SRP54: variants seen among roughly 807,000 people sequenced by gnomAD.
SRP54 encodes signal recognition particle subunit SRP54.
Under a neutral mutation model 64.8 loss-of-function variants are expected in SRP54, and 10 were observed. The observed-to-expected ratio is 0.15, with a 90% CI of 0.10 to 0.26. The LOEUF (loss-of-function observed/expected upper bound fraction) is 0.26, where lower values mean the gene tolerates loss of function less well. Among genes scored for constraint, SRP54 ranks in the 10% least tolerant of loss-of-function variants. The pLI is 1.00. For synonymous variants in SRP54, 193 were observed against 185.6 expected (o/e 1.04, Z -0.32); for missense variants, 325 against 613.7 (o/e 0.53, Z 4.97).
rs34646567 is a variant in SRP54 at position 34,998,973 on chromosome 14, ATGTGTGTGTGTGTG to A, written c.79-558_79-545del. ...TTGTCTTTATTATTACTTTGTGTGT[ATGTGTGTGTGTGTG>A]TGTGTGTGTGTGTGTGTGTGTGTGT... is the stretch of plus-strand genomic sequence containing the variant. On this transcript the variant is annotated intron_variant, in intron 2 of 15. Transcript: ENST00000216774. Among the ~76,000 whole-genome samples, 93 of 63,696 alleles carry A rather than the reference ATGTGTGTGTGTGTG, an allele frequency of 1.5e-3. 2 individuals carry two copies. The highest frequency in any genetic ancestry group is 3.8e-3 in the African/African-American group (83 of 21,698). 41.8% of individuals were successfully genotyped at this position (63,696 alleles called of 152,430 possible).
chr14:35,013,047 G>T (rs893129584), intron 8 of SRP54, among the ~76,000 whole-genome samples: 6 of 149,256 alleles, frequency 4.0e-5, no homozygotes, highest in Non-Finnish European at 7.4e-5. Context: ...GGGTTCAAGT[G>T]ATTCTCCTGC....
rs1555352959 is a variant in SRP54, at chr14:34,991,127, T to TTTGTTG, written c.-33-5534_-33-5529dup. ...TTCTTTTCTTTTTTTTTTTTTTTTTTTTGTTGTTGTTGTTGTTGTTGAGAT... is the reference window on the plus strand; with the variant it reads ...TTCTTTTCTTTTTTTTTTTTTTTTTTTTGTTGTTGTTGTTGTTGTTGTTGTTGAGAT... On this transcript the variant is annotated intron_variant, in intron 1 of 15. Transcript: ENST00000216774. Among the ~76,000 whole-genome samples the TTTGTTG allele has an allele frequency of 9.6e-4, 118 of 123,136 alleles. 7 individuals carry two copies. Among genetic ancestry groups the TTTGTTG allele is most frequent in the East Asian group, 5.1e-3 (20 of 3,930 alleles). The allele number at this position is 123,136 out of a possible 152,430, so 80.8% of individuals were successfully genotyped here.
At chr14:34,995,309 G>A (rs1223361559) in intron 1 of SRP54, among the ~76,000 whole-genome samples, 1 of 151,972 alleles carries the variant, frequency 6.6e-6, no homozygotes, top group Non-Finnish European at 1.5e-5. Context: ...GGAGACCCAG[G>A]AGAGCCCATG....
intron 1 of SRP54, among the ~76,000 whole-genome samples, chr14:34,995,306 C>G (rs767876070): frequency 2.0e-5 from 3 of 151,812 alleles, no homozygotes; most frequent in African/African-American, 7.3e-5. Context: ...GCTGGAGACC[C>G]AGGAGAGCCC....
chr14:35,029,039 T>C, intron 15 of SRP54, 22 bp from the exon 16 acceptor site: 4 of 1,592,920 alleles, frequency 2.5e-6, no homozygotes, highest in Non-Finnish European at 3.4e-6. Context: ...TTTTTAACTC[T>C]ACTTCCCTAC....
chr14:34,995,572 A>G (rs2044059893), intron 1 of SRP54, among the ~76,000 whole-genome samples: 1 of 152,172 alleles, frequency 6.6e-6, no homozygotes, highest in Admixed American at 6.5e-5. Flanking sequence ...TTGCTTGTTT[A>G]TCATCCATAA....
chr14:34,986,889 T>C (rs1257586325), intron 1 of SRP54, among the ~76,000 whole-genome samples: 1 of 148,468 alleles, frequency 6.7e-6, no homozygotes, highest in African/African-American at 2.5e-5. Flanking sequence ...AAAAAAAAAT[T>C]GCTAGTTATT....
intron 1 of SRP54, among the ~76,000 whole-genome samples, chr14:34,990,336 C>G (rs1277999822): frequency 6.6e-6 from 1 of 152,184 alleles, no homozygotes; most frequent in African/African-American, 2.4e-5. Context: ...CTTGCAGTTT[C>G]CAGCAGGTGT....
intron 2 of SRP54, among the ~76,000 whole-genome samples, chr14:34,998,403 T>G (rs979822168): frequency 6.6e-6 from 1 of 152,170 alleles, no homozygotes; most frequent in Non-Finnish European, 1.5e-5. Flanking sequence ...TGATAATAAG[T>G]TATTAATGGA....
At chr14:35,026,035 G>A (rs1407972145) in intron 14 of SRP54, among the ~76,000 whole-genome samples, 2 of 146,054 alleles carry the variant, frequency 1.4e-5, no homozygotes, top group Non-Finnish European at 1.5e-5. Context: ...CAGCCTGGGC[G>A]ACAGAGCAAG....
At position 34,996,756 on chromosome 14, in the gene SRP54, C is replaced by T. The variant is rs775147862; in HGVS notation, c.47C>T (p.Ser16Leu). Residue 16 changes from serine to leucine, a missense_variant, in exon 2 of 16, where the codon TCG becomes TTG. Physicochemically the swap from Ser to Leu is moderately radical, Grantham distance 145. This residue lies in a region of SRP54 where 156 missense variants were observed against 254.6 expected (regional missense o/e 0.61). Transcript: ENST00000216774. ...AGAAAAATAACATCAGCATTACGCT[C>T]GTTGAGCAATGCCACCATTATCAAT... is the stretch of plus-strand genomic sequence containing the variant. Reference protein sequence around the residue: ...LGRKITSALRSLSNATIINEE... With the variant: ...LGRKITSALRLLSNATIINEE... 28 of 1,612,892 alleles carry T rather than the reference C, an allele frequency of 1.7e-5. No individual in the cohort carries two copies. Among genetic ancestry groups the T allele is most frequent in the Admixed American group, 1.7e-4 (10 of 59,976 alleles).
intron 4 of SRP54, among the ~76,000 whole-genome samples, chr14:35,004,271 G>C (rs568719787): frequency 6.6e-6 from 1 of 152,000 alleles, no homozygotes; most frequent in Non-Finnish European, 1.5e-5. Flanking sequence ...AAAAGGACTT[G>C]TATCTATCAT....
rs912049192 is a variant in SRP54 at position 35,014,518 on chromosome 14, G to A, written c.887-226G>A. ...TAGTCTCAAACTCCTGACCTCAGGTGATCCACCCACCTTGGCCTCCCAAAG... is the reference window on the plus strand; with the variant it reads ...TAGTCTCAAACTCCTGACCTCAGGTAATCCACCCACCTTGGCCTCCCAAAG... On this transcript the variant is annotated intron_variant, in intron 10 of 15. Coordinates refer to ENST00000216774, the MANE Select transcript of SRP54 (RefSeq NM_003136.4). Among the ~76,000 whole-genome samples the A allele has an allele frequency of 6.6e-5, 10 of 152,170 alleles. No individual in the cohort carries two copies. The East Asian group carries it at 1.4e-3, about 21-fold the overall frequency.
At position 35,014,688 on chromosome 14, in the gene SRP54, T is replaced by C. The variant is rs142942641; in HGVS notation, c.887-56T>C. 804 of 1,313,420 alleles carry C rather than the reference T, an allele frequency of 6.1e-4. 5 individuals carry two copies. In the African/African-American group the frequency reaches 0.011, roughly 17 times the overall value. 81.4% of individuals were successfully genotyped at this position (1,313,420 alleles called of 1,614,324 possible). A position where few individuals can be genotyped will look rare whatever the true frequency, so the allele number is the denominator to read the frequency against. ...ATTATGTATGTGAATGTGTTTTGTA[T>C]AATGTGAAGCAGGGTATAGTATTAG... On this transcript the variant is annotated intron_variant, in intron 10 of 15. Coordinates refer to ENST00000216774, the MANE Select transcript of SRP54 (RefSeq NM_003136.4).
chr14:35,001,707 T>C (rs2044176438), intron 4 of SRP54, among the ~76,000 whole-genome samples: 1 of 152,190 alleles, frequency 6.6e-6, no homozygotes, highest in Non-Finnish European at 1.5e-5. Context: ...AGGAATTCCC[T>C]TTGCAAAGAC....
rs907229160 is a variant in SRP54 at position 35,013,283 on chromosome 14, T to C, written c.637-63T>C. On this transcript the variant is annotated intron_variant, in intron 8 of 15. Transcript: ENST00000216774. ...AATATTGTTTTATAGCTTCTAATGA[T>C]GACATTTGCTTAGGATCAATAAAAA... is the stretch of plus-strand genomic sequence containing the variant. 56 of 1,454,506 alleles carry C rather than the reference T, an allele frequency of 3.9e-5. No individual in the cohort carries two copies. In the Middle Eastern group the frequency reaches 8.0e-4, roughly 21 times the overall value. The allele number at this position is 1,454,506 out of a possible 1,614,324, so 90.1% of individuals were successfully genotyped here. A position where few individuals can be genotyped will look rare whatever the true frequency, so the allele number is the denominator to read the frequency against.
chr14:35,023,600 A>G (rs1019434533), intron 14 of SRP54, among the ~76,000 whole-genome samples: 39 of 152,228 alleles, frequency 2.6e-4, no homozygotes, highest in African/African-American at 8.9e-4. Flanking sequence ...CCTGGCCAGC[A>G]TGGTGAAACC....
At chr14:35,011,941 G>A (rs1240145383) in intron 8 of SRP54, among the ~76,000 whole-genome samples, 1 of 152,032 alleles carries the variant, frequency 6.6e-6, no homozygotes, top group Non-Finnish European at 1.5e-5. Context: ...TAATTAGGCC[G>A]GGTATGGTGG....
At chr14:34,988,582 T>TATATATATATATATATATATATATAAC (rs1555352771) in intron 1 of SRP54, among the ~76,000 whole-genome samples, 110 of 34,842 alleles carry the variant, frequency 3.2e-3, no homozygotes, top group African/African-American at 4.4e-3. Context: ...AAAAAAAATA[T>TATATATATATATATATATATATATAAC]ATATATATAT....
Sources: allele counts gnomAD v4.1 joint callset (sites outside exome capture counted in the v4.1 genomes callset), GRCh38; gene constraint gnomAD v4.1.1; regional missense constraint gnomAD v4.1.1; transcripts MANE v1.5; gene names NCBI Gene and HGNC (gene_info 2026-07-23, HGNC 2026-07-21).